The following KCNQ1 variants were observed in gnomAD, a reference collection of about 807,000 sequenced individuals.
The protein encoded by KCNQ1 is potassium voltage-gated channel subfamily KQT member 1.
In KCNQ1, 49 loss-of-function variants were observed where a neutral mutation model predicts 72.4. That is an observed-to-expected ratio of 0.68 (90% CI 0.54 to 0.86). The LOEUF (loss-of-function observed/expected upper bound fraction) is 0.86, where lower values mean the gene tolerates loss of function less well. Among genes scored for constraint, KCNQ1 ranks in the 40% least tolerant of loss-of-function variants. KCNQ1 has a pLI of 0.00. For synonymous variants in KCNQ1, 450 were observed against 412.6 expected, an observed-to-expected ratio of 1.09 and a Z score of -1.10; for missense variants, 790 against 945.1, an observed-to-expected ratio of 0.84 and a Z score of 2.15.
intron 10 of KCNQ1, chr11:2,619,342 G>A: frequency 2.5e-6 from 1 of 398,498 alleles, no homozygotes; most frequent in Admixed American, 4.4e-5. Flanking sequence ...ATATTGAGGA[G>A]TGTTCCTTCT....
rs5789272 is a variant in KCNQ1 at position 2,786,949 on chromosome 11, G to GTTT, written c.1794+8926_1794+8928dup. Among the ~76,000 whole-genome samples the GTTT allele has an allele frequency of 5.5e-3, 657 of 120,268 alleles. 10 individuals carry two copies. The highest frequency in any genetic ancestry group is 0.034 in the Middle Eastern group (8 of 232). The allele number at this position is 120,268 out of a possible 152,430, so 78.9% of individuals were successfully genotyped here. A position where few individuals can be genotyped will look rare whatever the true frequency, so the allele number is the denominator to read the frequency against. ...ATTCATGGTGTTTCATTTCGTTTCT[G>GTTT]TTTTTTTTTTTTTTTTCATTGTAAA... is the stretch of plus-strand genomic sequence containing the variant. On this transcript the variant is annotated intron_variant, in intron 15 of 15. Transcript: ENST00000155840.
intron 15 of KCNQ1, among the ~76,000 whole-genome samples, chr11:2,799,556 G>A (rs1178553674): frequency 6.6e-6 from 1 of 151,822 alleles, no homozygotes; most frequent in Admixed American, 6.6e-5. Context: ...CATGTATCGT[G>A]TGTGTGGTGT....
At position 2,608,916 on chromosome 11, in the gene KCNQ1, C is replaced by G. The variant is rs1174018050; in HGVS notation, c.1393+20062C>G. The G allele has an allele frequency of 2.5e-6, 1 of 398,354 alleles. No homozygotes were observed. The highest frequency in any genetic ancestry group is 4.4e-6 in the Non-Finnish European group (1 of 226,052). 24.7% of individuals were successfully genotyped at this position (398,354 alleles called of 1,614,324 possible). ...TCCTCCTCCCCCTCTTTCTTCCTCCCCTTCTTTTCTTCTCCCTCTCCCTCT... is the reference window on the plus strand; with the variant it reads ...TCCTCCTCCCCCTCTTTCTTCCTCCGCTTCTTTTCTTCTCCCTCTCCCTCT... On this transcript the variant is annotated intron_variant, in intron 10 of 15. Coordinates refer to ENST00000155840, the MANE Select transcript of KCNQ1 (RefSeq NM_000218.3). The surrounding 1 kb of genome is among the most constrained non-coding windows in gnomAD (Gnocchi z 4.6).
rs397508109 is a variant in KCNQ1, at chr11:2,445,461, A to AT, written c.364dup (p.Cys122LeufsTer163). 1.4e-5 allele frequency: 23 copies of AT among 1,596,406 alleles called. No individual in the cohort carries two copies. In the South Asian group the frequency reaches 2.5e-4, roughly 18 times the overall value. On this transcript the variant is annotated frameshift_variant, in exon 1 of 16. Coordinates refer to ENST00000155840, the MANE Select transcript of KCNQ1 (RefSeq NM_000218.3). LOFTEE classifies it high-confidence loss of function. ...TCCTCGAGCGTCCCACCGGCTGGAA[A>AT]TGCTTCGTTTACCACTTCGCCGTGT...
Position 2,763,067 on chromosome 11 carries a change from T to C in KCNQ1, c.1515-5777T>C, listed in dbSNP as rs571131341. Among the ~76,000 whole-genome samples the C allele has an allele frequency of 1.2e-4, 18 of 152,288 alleles. No homozygotes were observed. The East Asian group carries it at 2.1e-3, about 18-fold the overall frequency. Reference sequence around the variant, plus strand: ...AATCACCTTGTCGGTTTCCAATAAATAAACAAACAAACAAAAAGCACTGTG... The same window carrying C: ...AATCACCTTGTCGGTTTCCAATAAACAAACAAACAAACAAAAAGCACTGTG... On this transcript the variant is annotated intron_variant, in intron 11 of 15. Transcript: ENST00000155840.
intron 1 of KCNQ1, among the ~76,000 whole-genome samples, chr11:2,513,937 T>C (rs554657460): frequency 6.6e-6 from 1 of 152,232 alleles, no homozygotes; most frequent in East Asian, 1.9e-4. Context: ...GCCTGCAAGG[T>C]GTGTGCATGG....
chr11:2,680,943 G>A (rs2133880474), intron 11 of KCNQ1: 1 of 398,522 alleles, frequency 2.5e-6, no homozygotes, highest in South Asian at 1.3e-4. Context: ...AAAGCTGATG[G>A]ACACTATTTA....
intron 6 of KCNQ1, 40 bp downstream of exon 6, chr11:2,573,026 C>T: frequency 6.2e-7 from 1 of 1,603,608 alleles, no homozygotes; most frequent in African/African-American, 1.3e-5. Flanking sequence ...AGGGGCAGCT[C>T]AGGCTGAGGA....
chr11:2,717,449 A>C (rs1449001682), intron 11 of KCNQ1, among the ~76,000 whole-genome samples: 1 of 152,220 alleles, frequency 6.6e-6, no homozygotes, highest in Non-Finnish European at 1.5e-5. Flanking sequence ...TGGGTAGCCC[A>C]GGTGGAATTC....
intron 8 of KCNQ1, among the ~76,000 whole-genome samples, chr11:2,586,329 A>T (rs1326999840): frequency 6.6e-6 from 1 of 152,230 alleles, no homozygotes; most frequent in South Asian, 2.1e-4. Flanking sequence ...TGGCTCAGCC[A>T]TCGGGGGGGC....
chr11:2,838,273 T>C (rs1848123678), intron 15 of KCNQ1, among the ~76,000 whole-genome samples: 1 of 152,086 alleles, frequency 6.6e-6, no homozygotes, highest in African/African-American at 2.4e-5. Context: ...CACATGCCCG[T>C]CAGGCACCTG....
chr11:2,490,226 G>C (rs1334852592), intron 1 of KCNQ1, among the ~76,000 whole-genome samples: 1 of 152,142 alleles, frequency 6.6e-6, no homozygotes, highest in Non-Finnish European at 1.5e-5. Flanking sequence ...ACTTTGTCTT[G>C]TGCTACTACT....
At chr11:2,839,823 G>T (rs1281549824) in intron 15 of KCNQ1, 1 of 152,204 alleles carries the variant, frequency 6.6e-6, no homozygotes, top group Non-Finnish European at 1.5e-5. Flanking sequence ...AGAGGTGTGG[G>T]TTCCAGCTCC....
At chr11:2,453,948 T>G (rs1846148808) in intron 1 of KCNQ1, among the ~76,000 whole-genome samples, 1 of 152,190 alleles carries the variant, frequency 6.6e-6, no homozygotes, top group African/African-American at 2.4e-5. Flanking sequence ...ATTTAATTAT[T>G]TTTTTCAGGC....
intron 1 of KCNQ1, among the ~76,000 whole-genome samples, chr11:2,490,696 T>A (rs1846822798): frequency 6.6e-6 from 1 of 152,202 alleles, no homozygotes; most frequent in Admixed American, 6.5e-5. Context: ...TTTTTTAATA[T>A]TTATTTTTTG....
chr11:2,454,972 T>C (rs1358477551), intron 1 of KCNQ1, among the ~76,000 whole-genome samples: 1 of 152,056 alleles, frequency 6.6e-6, no homozygotes, highest in Non-Finnish European at 1.5e-5. Flanking sequence ...AAAGAGGAAC[T>C]CAAATCATCT....
chr11:2,480,252 A>G (rs1846631736), intron 1 of KCNQ1, among the ~76,000 whole-genome samples: 1 of 151,828 alleles, frequency 6.6e-6, no homozygotes, highest in African/African-American at 2.4e-5. Context: ...GCCGCACCCC[A>G]CTCCCAGTAC....
chr11:2,839,069 G>A (rs113769447), intron 15 of KCNQ1, among the ~76,000 whole-genome samples: 35 of 152,294 alleles, frequency 2.3e-4, no homozygotes, highest in Non-Finnish European at 4.0e-4. Context: ...GGACAGAGCC[G>A]CCCCTGCCTG....
Position 2,566,741 on chromosome 11 carries a change from G to C in KCNQ1, c.478-3887G>C, listed in dbSNP as rs1296802542. On this transcript the variant is annotated intron_variant, in intron 2 of 15. Coordinates refer to ENST00000155840, the MANE Select transcript of KCNQ1 (RefSeq NM_000218.3). The surrounding 1 kb of genome is among the most constrained non-coding windows in gnomAD (Gnocchi z 6.7). ...GGGCCGCACTCCATCAGCATCCCGGGCCATTGCATCCTTGACCCCGGGGGG... is the reference window on the plus strand; with the variant it reads ...GGGCCGCACTCCATCAGCATCCCGGCCCATTGCATCCTTGACCCCGGGGGG... 6.6e-6 allele frequency among the ~76,000 whole-genome samples: 1 copy of C among 152,150 alleles called. No homozygotes were observed.
Sources: gnomAD v4.1 joint callset for allele counts (sites outside exome capture counted in the v4.1 genomes callset) on GRCh38, gnomAD v4.1.1 for gene constraint, Gnocchi (gnomAD v3.1) non-coding constraint, MANE v1.5 for transcripts, NCBI Gene and HGNC (gene_info 2026-07-23, HGNC 2026-07-21) for gene names.